HSD17B12: variants seen among roughly 807,000 people sequenced by gnomAD.
HSD17B12 encodes the protein hydroxysteroid 17-beta dehydrogenase 12, also known as very-long-chain 3-oxoacyl-CoA reductase.
Under a neutral mutation model 39.3 loss-of-function variants are expected in HSD17B12, and 32 were observed. That is an observed-to-expected ratio of 0.81 (90% CI 0.61 to 1.09). HSD17B12 has a LOEUF of 1.09. HSD17B12 is among the 50% of genes least tolerant of loss of function. The pLI is 0.00. For missense variants in HSD17B12, 342 were observed against 382.9 expected (o/e 0.89, Z 0.89); for synonymous variants, 150 against 146.7 (o/e 1.02, Z -0.16).
At chr11:43,849,299 T>A (rs1021805238) in intron 9 of HSD17B12, among the ~76,000 whole-genome samples, 5 of 149,964 alleles carry the variant, frequency 3.3e-5, no homozygotes, top group Admixed American at 6.6e-5. Context: ...AGCGAGACTA[T>A]CTCAAACAAA....
At chr11:43,734,024 C>A in intron 1 of HSD17B12, 1 of 746,362 alleles carries the variant, frequency 1.3e-6, no homozygotes, top group African/African-American at 1.7e-5. Context: ...TTGTCAATAT[C>A]ACACGGCGGA....
At chr11:43,563,325 C>A in the HSD17B12 span, among the ~76,000 whole-genome samples, 2 of 152,148 alleles carry the variant, frequency 1.3e-5, no homozygotes, top group South Asian at 4.1e-4. Context: ...TGGGTAGGAC[C>A]CTTACCAATC....
chr11:43,672,057 A>G, the HSD17B12 span, among the ~76,000 whole-genome samples: 35 of 151,592 alleles, frequency 2.3e-4, no homozygotes, highest in African/African-American at 8.2e-4. Flanking sequence ...TTTATTTTTT[A>G]TTTTTTTTAG....
At chr11:43,620,535 A>G in the HSD17B12 span, among the ~76,000 whole-genome samples, 7 of 152,232 alleles carry the variant, frequency 4.6e-5, no homozygotes, top group Non-Finnish European at 8.8e-5. Flanking sequence ...ATCACTTGAG[A>G]AAAGAGAAAA....
intron 9 of HSD17B12, among the ~76,000 whole-genome samples, chr11:43,847,961 TG>T (rs1254067393): frequency 1.3e-5 from 2 of 152,206 alleles, no homozygotes; most frequent in Non-Finnish European, 2.9e-5. Context: ...TTTGTATTTT[TG>T]TTACAGTATT....
chr11:43,632,969 A>G, the HSD17B12 span, among the ~76,000 whole-genome samples: 12 of 152,204 alleles, frequency 7.9e-5, no homozygotes, highest in South Asian at 2.1e-4. Flanking sequence ...AAAGCATAAT[A>G]TGGTATGTTT....
At chr11:43,631,587 CTCTG>C in the HSD17B12 span, among the ~76,000 whole-genome samples, 2 of 146,368 alleles carry the variant, frequency 1.4e-5, no homozygotes, top group African/African-American at 2.5e-5. Flanking sequence ...CTCTCTCTCT[CTCTG>C]TCTCTCTCTC....
the HSD17B12 span, among the ~76,000 whole-genome samples, chr11:43,561,389 C>A: frequency 1.3e-5 from 2 of 152,216 alleles, no homozygotes; most frequent in South Asian, 4.2e-4. Context: ...TTTAAAGGGT[C>A]TAGAGGAAGA....
chr11:43,752,597 C>A (rs890508101), intron 2 of HSD17B12, among the ~76,000 whole-genome samples: 1 of 151,926 alleles, frequency 6.6e-6, no homozygotes, highest in Non-Finnish European at 1.5e-5. Flanking sequence ...GCTTGTAATC[C>A]CAGCTACTCA....
At chr11:43,706,730 G>A (rs1156655372) in intron 1 of HSD17B12, among the ~76,000 whole-genome samples, 3 of 149,938 alleles carry the variant, frequency 2.0e-5, no homozygotes, top group Non-Finnish European at 4.4e-5. Context: ...GTTGTGGGGG[G>A]TGGGTGTGCA....
chr11:43,563,667 A>C, the HSD17B12 span, among the ~76,000 whole-genome samples: 1 of 151,864 alleles, frequency 6.6e-6, no homozygotes, highest in African/African-American at 2.4e-5. Flanking sequence ...TTTTTTTTCT[A>C]ATTAGCCAGG....
At chr11:43,766,658 G>A (rs950405798) in intron 3 of HSD17B12, among the ~76,000 whole-genome samples, 3 of 152,108 alleles carry the variant, frequency 2.0e-5, no homozygotes, top group African/African-American at 4.8e-5. Context: ...TTTGTATTTC[G>A]TTGTACCAGG....
the HSD17B12 span, among the ~76,000 whole-genome samples, chr11:43,653,443 C>A: frequency 3.9e-5 from 6 of 151,994 alleles, no homozygotes; most frequent in African/African-American, 1.2e-4. Context: ...GGTACATGTG[C>A]ACAACTTGCA....
At chr11:43,712,950 T>C (rs1193614889) in intron 1 of HSD17B12, among the ~76,000 whole-genome samples, 3 of 152,242 alleles carry the variant, frequency 2.0e-5, no homozygotes, top group African/African-American at 7.2e-5. Flanking sequence ...TTGTTTAACA[T>C]TTCTTCAGAA....
the HSD17B12 span, among the ~76,000 whole-genome samples, chr11:43,649,620 G>A: frequency 6.6e-6 from 1 of 152,190 alleles, no homozygotes; most frequent in Non-Finnish European, 1.5e-5. Context: ...TTTACCAAAG[G>A]TGGCCACAAC....
intron 1 of HSD17B12, chr11:43,719,002 C>CA: frequency 1.0e-6 from 1 of 999,636 alleles, no homozygotes; most frequent in East Asian, 2.4e-5. Flanking sequence ...AGCACCAGAT[C>CA]AAAAAGGCTG....
chr11:43,837,552 T>A lies in HSD17B12; in HGVS notation c.537-765T>A, dbSNP rs145892063. ...AGCTAATTTTCACTTTTTTGTAGAATTAGAAATTCCTGGTAACTTTGATTT... is the reference window on the plus strand; with the variant it reads ...AGCTAATTTTCACTTTTTTGTAGAAATAGAAATTCCTGGTAACTTTGATTT... On this transcript the variant is annotated intron_variant, in intron 7 of 10. Coordinates refer to ENST00000278353, the MANE Select transcript of HSD17B12 (RefSeq NM_016142.3). Among the ~76,000 whole-genome samples, 5 of 152,334 alleles carry A rather than the reference T, an allele frequency of 3.3e-5. No homozygotes were observed. The East Asian group carries it at 9.6e-4, about 29-fold the overall frequency.
intron 6 of HSD17B12, among the ~76,000 whole-genome samples, chr11:43,821,809 G>A (rs571198594): frequency 6.6e-6 from 1 of 152,290 alleles, no homozygotes; most frequent in Non-Finnish European, 1.5e-5. Flanking sequence ...TTTCTGATTT[G>A]AGAGCACCTG....
At chr11:43,813,427 G>A (rs1206493987) in intron 4 of HSD17B12, among the ~76,000 whole-genome samples, 1 of 152,122 alleles carries the variant, frequency 6.6e-6, no homozygotes, top group Non-Finnish European at 1.5e-5. Context: ...GAAGAGTGAA[G>A]GGAGATAGTT....
Sources: gnomAD v4.1 joint callset for allele counts (sites outside exome capture counted in the v4.1 genomes callset) on GRCh38, gnomAD v4.1.1 for gene constraint, MANE v1.5 for transcripts, NCBI Gene and HGNC (gene_info 2026-07-23, HGNC 2026-07-21) for gene names.